TACC3: variants seen among roughly 807,000 people sequenced by gnomAD.
TACC3 encodes transforming acidic coiled-coil containing protein 3.
A neutral mutation model predicts 86.0 loss-of-function variants in TACC3; 52 were observed. The observed-to-expected ratio is 0.60, with a 90% CI of 0.48 to 0.76. The LOEUF (loss-of-function observed/expected upper bound fraction) is 0.76, where lower values mean the gene tolerates loss of function less well. Ranked by LOEUF, TACC3 falls within the 30% of genes least tolerant of loss-of-function variation. The probability of loss-of-function intolerance (pLI) is 0.00; values close to 1 mark genes in which losing one functional copy is unlikely to be tolerated. For synonymous variants in TACC3, 512 were observed against 430.0 expected, an observed-to-expected ratio of 1.19 and a Z score of -2.36; for missense variants, 1,120 against 1,070.4, an observed-to-expected ratio of 1.05 and a Z score of -0.65.
At chr4:1,740,639 G>A (rs763967697) in intron 12 of TACC3, 187 bp from the exon 13 acceptor site, 17 of 575,528 alleles carry the variant, frequency 3.0e-5, no homozygotes, top group Non-Finnish European at 4.9e-5. Flanking sequence ...GGAAACAGCT[G>A]TTTCCTGGGC....
chr4:1,725,834 G>C (rs2108684656), intron 3 of TACC3, among the ~76,000 whole-genome samples: 1 of 152,360 alleles, frequency 6.6e-6, no homozygotes, highest in Non-Finnish European at 1.5e-5. Flanking sequence ...GCGTGCAGCT[G>C]CCCACGTGTC....
chr4:1,740,049 C>A, intron 12 of TACC3, 47 bp downstream of exon 12: 1 of 1,594,720 alleles, frequency 6.3e-7, no homozygotes, highest in South Asian at 1.1e-5. Context: ...GAGGGGCTGC[C>A]TATGCCCCAC....
rs1172108112 is a variant in TACC3 at position 1,728,376 on chromosome 4, G to T, written c.974G>T (p.Gly325Val). The part of the protein sequence containing the change: ...TLSPQEEVAA[G>V]QMASSSRSGP... ...AGTCCTCAGGAAGAAGTGGCTGCAG[G>T]CCAAATGGCCAGCTCCTCGAGGAGC... Residue 325 changes from glycine (G) to valine (V), a missense_variant, in exon 4 of 16, where the codon GGC (glycine) becomes GTC (valine). By Grantham distance (109) the Gly-to-Val change is moderately radical (BLOSUM62 -3). Coordinates refer to ENST00000313288, the MANE Select transcript of TACC3 (RefSeq NM_006342.3). 6.2e-7 allele frequency: 1 copy of T among 1,613,116 alleles called. No individual in the cohort carries two copies. Among genetic ancestry groups the T allele is most frequent in the East Asian group, 2.2e-5 (1 of 44,888 alleles).
In TACC3 at chr4:1,728,747, G is replaced by A; in HGVS notation, c.1345G>A (p.Ala449Thr). The A allele has an allele frequency of 6.2e-7, 1 of 1,611,810 alleles. No individual in the cohort carries two copies. The highest frequency in any genetic ancestry group is 8.5e-7 in the Non-Finnish European group (1 of 1,179,596). ...LGQPAAEQLHAGPATEEPGPC... is the reference protein window; with the variant it reads ...LGQPAAEQLHTGPATEEPGPC... ...CCAGCCAGCGGCTGAACAGTTGCATGCTGGGCCTGCCACGGAGGAGCCAGG... is the reference window on the plus strand; with the variant it reads ...CCAGCCAGCGGCTGAACAGTTGCATACTGGGCCTGCCACGGAGGAGCCAGG... The change falls in exon 4 of 16, where the codon GCT (alanine) becomes ACT (threonine). Residue 449 changes from alanine to threonine, a missense_variant. Coordinates refer to ENST00000313288, the MANE Select transcript of TACC3 (RefSeq NM_006342.3).
chr4:1,732,351 T>C (rs113393891), intron 6 of TACC3, among the ~76,000 whole-genome samples: 1 of 147,914 alleles, frequency 6.8e-6, no homozygotes, highest in Non-Finnish European at 1.5e-5. Context: ...GTCCGTAAGA[T>C]TGGAGGCTGC....
chr4:1,728,291 T>G lies in TACC3; in HGVS notation c.889T>G (p.Ser297Ala), dbSNP rs1395373161. 7 of 1,612,658 alleles carry G rather than the reference T, an allele frequency of 4.3e-6. No individual in the cohort carries two copies. The African/African-American group carries it at 9.3e-5, about 22-fold the overall frequency. ...TCAGACCCTTACCTGTGCACACACC[T>G]CTGCTCCTGAGAGCACAGCCCCAAC... ...GTQTLTCAHT[S>A]APESTAPTNH... The change falls in exon 4 of 16, where the codon TCT (serine) becomes GCT (alanine). Residue 297 changes from serine to alanine, a missense_variant. Ser to Ala is a moderately conservative substitution (Grantham distance 99). Coordinates refer to ENST00000313288, the MANE Select transcript of TACC3 (RefSeq NM_006342.3).
chr4:1,743,949 G>C (rs1419529840), intron 13 of TACC3, among the ~76,000 whole-genome samples: 2 of 152,192 alleles, frequency 1.3e-5, no homozygotes, highest in African/African-American at 4.8e-5. Context: ...AGGATGGCTG[G>C]GCTGTGAGGC....
intron 3 of TACC3, among the ~76,000 whole-genome samples, chr4:1,727,230 C>T (rs2108686392): frequency 6.6e-6 from 1 of 152,280 alleles, no homozygotes; most frequent in African/African-American, 2.4e-5. Flanking sequence ...CTGGCATCAG[C>T]TTGAGGCATT....
At chr4:1,721,386 G>GT (rs1168254093), upstream of TACC3, 1 of 142,668 alleles carries the variant, frequency 7.0e-6, no homozygotes, top group Non-Finnish European at 1.6e-5. Context: ...GGTGGGGGGG[G>GT]AGGGAGGGCG....
chr4:1,723,225 G>A (rs1021703579), intron 1 of TACC3, 196 bp from the exon 2 acceptor site: 2 of 616,876 alleles, frequency 3.2e-6, no homozygotes, highest in Non-Finnish European at 5.8e-6. Context: ...GCTGGAGAGT[G>A]AGTCTCTGAA....
intron 6 of TACC3, 113 bp downstream of exon 6, chr4:1,731,414 G>C (rs1560306745): frequency 7.6e-7 from 1 of 1,321,784 alleles, no homozygotes; most frequent in East Asian, 2.4e-5. Flanking sequence ...GCAGGCAGTT[G>C]GGTCCCTTGA....
At chr4:1,733,739 A>C (rs1718116773) in intron 6 of TACC3, among the ~76,000 whole-genome samples, 1 of 152,244 alleles carries the variant, frequency 6.6e-6, no homozygotes, top group African/African-American at 2.4e-5. Flanking sequence ...GCACTTTGGG[A>C]GGCTGAGGAG....
At position 1,728,697 on chromosome 4, in the gene TACC3, C is replaced by G. The variant is rs780106100; in HGVS notation, c.1295C>G (p.Pro432Arg). Residue 432 changes from proline (P) to arginine (R), a missense_variant, in exon 4 of 16, where the codon CCA becomes CGA. Physicochemically the swap from Pro to Arg is moderately radical, Grantham distance 103 (BLOSUM62 -2). Coordinates refer to ENST00000313288, the MANE Select transcript of TACC3 (RefSeq NM_006342.3). ...TCTGGTTGCAGTGAGGCCCAGCCCC[C>G]AGAAAGCCCTGAGACCAGGCTGGGC... ...TKSGCSEAQP[P>R]ESPETRLGQP... 1.2e-6 allele frequency: 2 copies of G among 1,613,648 alleles called. No homozygotes were observed. Among genetic ancestry groups the G allele is most frequent in the Admixed American group, 1.7e-5 (1 of 60,026 alleles).
chr4:1,728,510 G>A lies in TACC3; in HGVS notation c.1108G>A (p.Ala370Thr), dbSNP rs756381415. The A allele has an allele frequency of 1.9e-6, 3 of 1,614,052 alleles. No homozygotes were observed. Among genetic ancestry groups the A allele is most frequent in the Non-Finnish European group, 2.5e-6 (3 of 1,180,014 alleles). The change falls in exon 4 of 16, where the codon GCA becomes ACA. Residue 370 changes from alanine (A) to threonine (T), a missense_variant. Ala to Thr is a moderately conservative substitution (Grantham distance 58, BLOSUM62 0). Transcript: ENST00000313288. ...CGGCCTCAAGCCTCCCTTGAGGAAA[G>A]CAGCAGTGAGGCAGCAAAAGGCCCC... ...RSGLKPPLRK[A>T]AVRQQKAPQE...
chr4:1,722,929 C>G (rs369913222), intron 1 of TACC3, among the ~76,000 whole-genome samples: 1 of 152,084 alleles, frequency 6.6e-6, no homozygotes, highest in Non-Finnish European at 1.5e-5. Flanking sequence ...CTGCCTAGCC[C>G]GGTGGGAGAG....
chr4:1,739,694 C>T lies in TACC3; in HGVS notation c.1942-8C>T. The stretch of plus-strand genomic sequence containing the variant: ...GCCTGCCTGCTGACTTGGGTGTGGC[C>T]TGAGCAGGTAAAGGCGACACAGGAG... On this transcript the variant is annotated splice_polypyrimidine_tract_variant and splice_region_variant and intron_variant, in intron 10 of 15. Coordinates refer to ENST00000313288, the MANE Select transcript of TACC3 (RefSeq NM_006342.3). The T allele has an allele frequency of 3.8e-6, 6 of 1,572,060 alleles. No homozygotes were observed. The highest frequency in any genetic ancestry group is 5.2e-6 in the Non-Finnish European group (6 of 1,160,048).
chr4:1,720,725 G>T, upstream of TACC3: 2 of 1,565,358 alleles, frequency 1.3e-6, no homozygotes, highest in Non-Finnish European at 1.7e-6. The surrounding 1 kb of genome is among the most constrained non-coding windows in gnomAD (Gnocchi z 4.4). Context: ...CAGCCAGCCC[G>T]ACAGCAGGTT....
Position 1,728,491 on chromosome 4 carries a change from C to G in TACC3, c.1089C>G (p.Leu363=), listed in dbSNP as rs1256191341. Reference sequence around the variant, plus strand: ...GGAGACTGGGAGAGAGGTCCGGCCTCAAGCCTCCCTTGAGGAAAGCAGCAG... The same window carrying G: ...GGAGACTGGGAGAGAGGTCCGGCCTGAAGCCTCCCTTGAGGAAAGCAGCAG... The part of the protein sequence containing the change: ...PPRRLGERSG[L]KPPLRKAAVR... Residue 363 remains leucine, a synonymous_variant, in exon 4 of 16, where the codon CTC becomes CTG. Coordinates refer to ENST00000313288, the MANE Select transcript of TACC3 (RefSeq NM_006342.3). 1.2e-6 allele frequency: 2 copies of G among 1,613,882 alleles called. No homozygotes were observed. Among genetic ancestry groups the G allele is most frequent in the Non-Finnish European group, 1.7e-6 (2 of 1,180,018 alleles).
At chr4:1,728,824 G>T (rs1375238241) in intron 4 of TACC3, 37 bp downstream of exon 4, 2 of 1,554,994 alleles carry the variant, frequency 1.3e-6, no homozygotes, top group East Asian at 4.5e-5. Context: ...GTGGCGTGGG[G>T]CAGCTGCCCT....
Sources: allele counts gnomAD v4.1 joint callset (sites outside exome capture counted in the v4.1 genomes callset), GRCh38; gene constraint gnomAD v4.1.1; non-coding constraint Gnocchi (gnomAD v3.1); transcripts MANE v1.5; gene names NCBI Gene and HGNC (gene_info 2026-07-23, HGNC 2026-07-21).